TRIM34: variants seen among roughly 807,000 people sequenced by gnomAD.
TRIM34 encodes E3 ubiquitin-protein ligase TRIM34.
TRIM34 carries 41 observed loss-of-function variants against 38.1 expected under a neutral mutation model. The observed-to-expected ratio is 1.08, with a 90% confidence interval of 0.84 to 1.40. The LOEUF is 1.40. TRIM34 is among the 40% of genes most tolerant of loss of function. The probability of loss-of-function intolerance (pLI) is 0.00; values close to 1 mark genes in which losing one functional copy is unlikely to be tolerated. For missense variants in TRIM34, 556 were observed against 571.4 expected (o/e 0.97, Z 0.27); for synonymous variants, 200 against 202.5 (o/e 0.99, Z 0.10).
intron 1 of TRIM34, among the ~76,000 whole-genome samples, chr11:5,626,110 C>T (rs770970376): frequency 3.3e-5 from 5 of 152,230 alleles, no homozygotes; most frequent in Non-Finnish European, 7.3e-5. Context: ...CTGCCTTACT[C>T]CTGGGTAGAA....
At chr11:5,641,026 T>C (rs1849985269) in intron 4 of TRIM34, 141 bp from the exon 5 acceptor site, 1 of 1,240,226 alleles carries the variant, frequency 8.1e-7, no homozygotes, top group African/African-American at 1.5e-5. Flanking sequence ...TGTGTCTAGC[T>C]AAATGTTTGC....
At chr11:5,634,018 C>G in intron 3 of TRIM34, 119 bp downstream of exon 3, 1 of 1,072,838 alleles carries the variant, frequency 9.3e-7, no homozygotes, top group Non-Finnish European at 1.3e-6. Context: ...TTGATTAGTT[C>G]TCTTCTCTGT....
chr11:5,627,293 G>C (rs1849289824), intron 1 of TRIM34, among the ~76,000 whole-genome samples: 1 of 151,796 alleles, frequency 6.6e-6, no homozygotes, highest in Non-Finnish European at 1.5e-5. Flanking sequence ...GGCAAGAGAA[G>C]CGCTTGAACC....
At chr11:5,629,285 A>G (rs763433059) in intron 1 of TRIM34, among the ~76,000 whole-genome samples, 2 of 152,168 alleles carry the variant, frequency 1.3e-5, no homozygotes, top group South Asian at 4.1e-4. Context: ...TCAAAAAAAA[A>G]CAAAAACTAC....
rs1335908588 is a variant in TRIM34 at position 5,634,494 on chromosome 11, C to CACACACACACACACAA, written c.520-122_520-121insAACACACACACACACA. ...TATATATATACAGATAATATAAATA[C>CACACACACACACACAA]ACACACACACACACACACACACACA... On this transcript the variant is annotated intron_variant, in intron 3 of 7. Coordinates refer to ENST00000429814, the MANE Select transcript of TRIM34 (RefSeq NM_021616.6). 18 of 30,670 alleles carry CACACACACACACACAA rather than the reference C, an allele frequency of 5.9e-4. 1 individual carries two copies. The highest frequency in any genetic ancestry group is 4.0e-3 in the South Asian group (6 of 1,502). 1.9% of individuals were successfully genotyped at this position (30,670 alleles called of 1,614,324 possible).
rs1850057775 is a variant in TRIM34 at position 5,642,514 on chromosome 11, G to A, written c.874+8G>A. On this transcript the variant is annotated splice_region_variant and intron_variant, in intron 6 of 7. Coordinates refer to ENST00000429814, the MANE Select transcript of TRIM34 (RefSeq NM_021616.6). ...TGCTGCAAATGTTTAGAGGTGAGGA[G>A]AAGCAGACAAAGACTGTGGATGTGG... The A allele has an allele frequency of 1.6e-5, 26 of 1,612,932 alleles. No homozygotes were observed. Among genetic ancestry groups the A allele is most frequent in the Non-Finnish European group, 2.1e-5 (25 of 1,179,482 alleles).
At chr11:5,631,498 A>C (rs1849480263) in intron 1 of TRIM34, among the ~76,000 whole-genome samples, 2 of 152,226 alleles carry the variant, frequency 1.3e-5, no homozygotes, top group African/African-American at 4.8e-5. Context: ...AAGGAGGAAC[A>C]AACAGGCCAA....
chr11:5,620,901 T>C (rs1848971575), upstream of TRIM34, among the ~76,000 whole-genome samples: 1 of 152,256 alleles, frequency 6.6e-6, no homozygotes, highest in South Asian at 2.1e-4. Flanking sequence ...CCTGTGTCTT[T>C]TGGCATTTTT....
chr11:5,621,414 C>T (rs1445443815), upstream of TRIM34, among the ~76,000 whole-genome samples: 3 of 152,202 alleles, frequency 2.0e-5, no homozygotes, highest in Non-Finnish European at 2.9e-5. Context: ...TTGTTAGCCA[C>T]TCCTGTTTAC....
At chr11:5,641,286 C>A in intron 5 of TRIM34, 97 bp downstream of exon 5, 1 of 1,588,704 alleles carries the variant, frequency 6.3e-7, no homozygotes, top group East Asian at 2.3e-5. Flanking sequence ...AAAAATCTCC[C>A]AGAGTAGTAA....
In TRIM34 at chr11:5,643,612, A is replaced by G. The variant is rs1343922832; in HGVS notation, c.1370A>G (p.Tyr457Cys). ...FNVTSHGSLIYKFSKCCFSQP... is the reference protein window; with the variant it reads ...FNVTSHGSLICKFSKCCFSQP... ...GTCACAAGCCATGGCTCCCTCATTTACAAGTTCTCTAAATGTTGCTTTTCT... is the reference window on the plus strand; with the variant it reads ...GTCACAAGCCATGGCTCCCTCATTTGCAAGTTCTCTAAATGTTGCTTTTCT... The change falls in exon 8 of 8, where the codon TAC (tyrosine) becomes TGC (cysteine). Residue 457 changes from tyrosine (Y) to cysteine (C), a missense_variant. By Grantham distance (194) the Tyr-to-Cys change is radical (BLOSUM62 -2). Coordinates refer to ENST00000429814, the MANE Select transcript of TRIM34 (RefSeq NM_021616.6). 6.2e-7 allele frequency: 1 copy of G among 1,614,080 alleles called. No homozygotes were observed. The highest frequency in any genetic ancestry group is 8.5e-7 in the Non-Finnish European group (1 of 1,179,990).
At position 5,632,254 on chromosome 11, in the gene TRIM34, G is replaced by T; in HGVS notation, c.-77-1G>T. 6.3e-7 allele frequency: 1 copy of T among 1,593,666 alleles called. No individual in the cohort carries two copies. The highest frequency in any genetic ancestry group is 8.5e-7 in the Non-Finnish European group (1 of 1,172,546). ...ATACCATCCCCTTTCAATCTTCTCA[G>T]CCATCCAGGGGTCTTTAACCAGAAG... On this transcript the variant is annotated splice_acceptor_variant, in intron 1 of 7. Coordinates refer to ENST00000429814, the MANE Select transcript of TRIM34 (RefSeq NM_021616.6). LOFTEE classifies it low-confidence loss of function (5UTR_SPLICE).
Position 5,632,270 on chromosome 11 carries a change from T to C in TRIM34, c.-62T>C. 1 of 1,608,530 alleles carries C rather than the reference T, an allele frequency of 6.2e-7. No individual in the cohort carries two copies. The highest frequency in any genetic ancestry group is 8.5e-7 in the Non-Finnish European group (1 of 1,177,788). The stretch of plus-strand genomic sequence containing the variant: ...ATCTTCTCAGCCATCCAGGGGTCTT[T>C]AACCAGAAGAGAGAGGAGAGCCTCA... On this transcript the variant is annotated 5_prime_UTR_variant, in exon 2 of 8. Coordinates refer to ENST00000429814, the MANE Select transcript of TRIM34 (RefSeq NM_021616.6).
Position 5,634,611 on chromosome 11 carries a change from T to C in TRIM34, c.520-20T>C. The C allele has an allele frequency of 6.2e-7, 1 of 1,603,004 alleles. No individual in the cohort carries two copies. Among genetic ancestry groups the C allele is most frequent in the Non-Finnish European group, 8.5e-7 (1 of 1,173,812 alleles). On this transcript the variant is annotated intron_variant, in intron 3 of 7. Coordinates refer to ENST00000429814, the MANE Select transcript of TRIM34 (RefSeq NM_021616.6). ...TAGCCTGACAAACTTACTACAACTC[T>C]CTCTTGTCCATCCTTGCAGTATCAG... is the stretch of plus-strand genomic sequence containing the variant.
chr11:5,639,305 T>C lies in TRIM34; in HGVS notation c.751-1862T>C, dbSNP rs532374636. Among the ~76,000 whole-genome samples the C allele has an allele frequency of 1.1e-4, 16 of 152,204 alleles. No individual in the cohort carries two copies. In the East Asian group the frequency reaches 3.1e-3, roughly 29 times the overall value. On this transcript the variant is annotated intron_variant, in intron 4 of 7. Coordinates refer to ENST00000429814, the MANE Select transcript of TRIM34 (RefSeq NM_021616.6). Reference sequence around the variant, plus strand: ...CTAATGGAAACCTGACCTGCCACAGTATTATAGAAACATGATTACAGACAA... The same window carrying C: ...CTAATGGAAACCTGACCTGCCACAGCATTATAGAAACATGATTACAGACAA...
At chr11:5,622,537 G>T (rs553184329), upstream of TRIM34, among the ~76,000 whole-genome samples, 4 of 151,956 alleles carry the variant, frequency 2.6e-5, no homozygotes, top group Non-Finnish European at 5.9e-5. Flanking sequence ...TAGGAGAATC[G>T]AACCTGGGAG....
chr11:5,643,122 T>TAG, intron 7 of TRIM34, 22 bp from the exon 8 acceptor site: 1 of 1,150,420 alleles, frequency 8.7e-7, no homozygotes, highest in Non-Finnish European at 1.1e-6. Flanking sequence ...TACATATATA[T>TAG]ATATTTTTTT....
At chr11:5,625,803 C>T (rs12274893) in intron 1 of TRIM34, among the ~76,000 whole-genome samples, 36,659 of 152,156 alleles carry the variant, frequency 0.24, 4,843 homozygotes, top group East Asian at 0.46. Flanking sequence ...TCACCTGTCT[C>T]AGAACTTGCT....
chr11:5,642,871 T>C (rs1212151987), intron 7 of TRIM34, 28 bp downstream of exon 7: 1 of 1,613,590 alleles, frequency 6.2e-7, no homozygotes, highest in South Asian at 1.1e-5. Context: ...TTTAAATAAC[T>C]GTTTTCCAAT....
Sources: allele counts gnomAD v4.1 joint callset (sites outside exome capture counted in the v4.1 genomes callset), GRCh38; gene constraint gnomAD v4.1.1; transcripts MANE v1.5; gene names NCBI Gene and HGNC (gene_info 2026-07-23, HGNC 2026-07-21).